WWOX: variants seen among roughly 807,000 people sequenced by gnomAD.
WWOX encodes the protein WW domain-containing oxidoreductase.
A neutral mutation model predicts 46.2 loss-of-function variants in WWOX; 69 were observed. The ratio of observed to expected loss-of-function variants is 1.49; its 90% CI spans 1.23 to 1.82. The LOEUF is 1.82. Among genes scored for constraint, WWOX ranks in the 40% most tolerant of loss-of-function variants. The pLI is 0.00. For missense variants in WWOX, 919 were observed against 542.6 expected, an observed-to-expected ratio of 1.69 and a Z score of -6.89; for synonymous variants, 359 against 202.6, an observed-to-expected ratio of 1.77 and a Z score of -6.56.
intron 8 of WWOX, among the ~76,000 whole-genome samples, chr16:78,849,542 C>G (rs910301807): frequency 1.2e-4 from 17 of 141,872 alleles, no homozygotes; most frequent in African/African-American, 2.3e-4. Context: ...ACACTGCACT[C>G]CGGCCTGGGT....
At chr16:78,409,338 C>A (rs1476359323) in intron 6 of WWOX, among the ~76,000 whole-genome samples, 2 of 152,162 alleles carry the variant, frequency 1.3e-5, no homozygotes, top group Non-Finnish European at 2.9e-5. Flanking sequence ...GCCATCACCC[C>A]CCAAATGTCC....
intron 5 of WWOX, among the ~76,000 whole-genome samples, chr16:78,377,553 A>C (rs1484225865): frequency 6.6e-6 from 1 of 152,226 alleles, no homozygotes; most frequent in Non-Finnish European, 1.5e-5. Flanking sequence ...AAAAGCTCTT[A>C]CTTCAATAGC....
At chr16:79,161,256 T>C (rs1356174271) in intron 8 of WWOX, among the ~76,000 whole-genome samples, 1 of 152,198 alleles carries the variant, frequency 6.6e-6, no homozygotes, top group Admixed American at 6.5e-5. Context: ...AAATCCTCCC[T>C]CTGTCTTTTC....
At chr16:78,792,949 T>A (rs369974558) in intron 8 of WWOX, among the ~76,000 whole-genome samples, 8 of 152,320 alleles carry the variant, frequency 5.3e-5, no homozygotes, top group African/African-American at 1.9e-4. Context: ...ACCATGGCAA[T>A]GCAATAGGAA....
chr16:78,847,099 C>G (rs994928397), intron 8 of WWOX, among the ~76,000 whole-genome samples: 1 of 152,204 alleles, frequency 6.6e-6, no homozygotes, highest in Non-Finnish European at 1.5e-5. Flanking sequence ...AGGCTTTACA[C>G]TGTCATCTTG....
At chr16:78,191,472 T>A (rs2035881954) in intron 5 of WWOX, among the ~76,000 whole-genome samples, 2 of 152,212 alleles carry the variant, frequency 1.3e-5, no homozygotes, top group African/African-American at 2.4e-5. Context: ...CGCCACAATA[T>A]ATCAATGTAT....
chr16:78,793,415 T>G (rs571810543), intron 8 of WWOX, among the ~76,000 whole-genome samples: 17 of 152,308 alleles, frequency 1.1e-4, no homozygotes, highest in Non-Finnish European at 2.4e-4. Context: ...ACTATACGGC[T>G]GCTCTCCACT....
At chr16:78,362,301 T>C (rs1294605605) in intron 5 of WWOX, among the ~76,000 whole-genome samples, 1 of 152,050 alleles carries the variant, frequency 6.6e-6, no homozygotes, top group East Asian at 1.9e-4. Context: ...ATGATGGGTA[T>C]GTGAAGCAGG....
intron 8 of WWOX, among the ~76,000 whole-genome samples, chr16:78,483,283 T>C (rs967413989): frequency 2.4e-4 from 36 of 152,336 alleles, no homozygotes; most frequent in Admixed American, 9.8e-4. Context: ...AAGTTGCATG[T>C]CACTTTACTT....
chr16:78,585,391 C>T (rs184387598), intron 8 of WWOX, among the ~76,000 whole-genome samples: 10 of 152,248 alleles, frequency 6.6e-5, no homozygotes, highest in East Asian at 1.9e-4. Flanking sequence ...CTTTGGGGAT[C>T]GGCCACTTAC....
intron 8 of WWOX, among the ~76,000 whole-genome samples, chr16:78,562,509 C>T (rs529177713): frequency 5.3e-5 from 8 of 152,322 alleles, no homozygotes; most frequent in East Asian, 1.9e-4. Flanking sequence ...ACCCATTCTG[C>T]ACTTGTTGAC....
At chr16:78,543,217 G>A (rs1238859182) in intron 8 of WWOX, among the ~76,000 whole-genome samples, 2 of 152,176 alleles carry the variant, frequency 1.3e-5, no homozygotes, top group African/African-American at 4.8e-5. Context: ...TCCAGTTAGG[G>A]CGAGTCACAA....
chr16:78,817,518 C>G (rs928815744), intron 8 of WWOX, among the ~76,000 whole-genome samples: 9 of 152,186 alleles, frequency 5.9e-5, no homozygotes, highest in African/African-American at 2.2e-4. Context: ...TACAGCTTGG[C>G]TGAACTTTGC....
At chr16:78,536,954 T>A (rs1167903305) in intron 8 of WWOX, among the ~76,000 whole-genome samples, 1 of 149,628 alleles carries the variant, frequency 6.7e-6, no homozygotes, top group Non-Finnish European at 1.5e-5. Context: ...TCTCACTCTG[T>A]CACCCAGACT....
chr16:78,905,381 C>T (rs868144517), intron 8 of WWOX, among the ~76,000 whole-genome samples: 2 of 151,986 alleles, frequency 1.3e-5, no homozygotes, highest in African/African-American at 2.4e-5. Context: ...TGGAAGAATT[C>T]TTATTTATTT....
chr16:78,839,085 T>C (rs1210453385), intron 8 of WWOX, among the ~76,000 whole-genome samples: 1 of 152,174 alleles, frequency 6.6e-6, no homozygotes, highest in African/African-American at 2.4e-5. Context: ...ATGAGATTGC[T>C]GTATTATTTC....
chr16:78,468,696 C>A (rs921449052), intron 8 of WWOX, among the ~76,000 whole-genome samples: 2 of 152,124 alleles, frequency 1.3e-5, no homozygotes, highest in African/African-American at 4.8e-5. Flanking sequence ...CCTGTTTGAG[C>A]CTCAGTTTTC....
At chr16:78,393,207 T>C (rs1403922256) in intron 6 of WWOX, among the ~76,000 whole-genome samples, 1 of 152,202 alleles carries the variant, frequency 6.6e-6, no homozygotes, top group Admixed American at 6.5e-5. Context: ...TTTTCTGAAA[T>C]GGACTGAGAA....
chr16:78,450,580 TA>T (rs2083668253), intron 8 of WWOX, among the ~76,000 whole-genome samples: 1 of 152,206 alleles, frequency 6.6e-6, no homozygotes, highest in African/African-American at 2.4e-5. Flanking sequence ...TCTCACTCTT[TA>T]AAAGAAAAAA....
Sources: allele counts gnomAD v4.1 joint callset (sites outside exome capture counted in the v4.1 genomes callset), GRCh38; gene constraint gnomAD v4.1.1; transcripts MANE v1.5; gene names NCBI Gene and HGNC (gene_info 2026-07-23, HGNC 2026-07-21).